Variants in LSM14B observed in about 807,000 individuals in gnomAD.
The protein encoded by LSM14B is protein LSM14 homolog B.
Under a neutral mutation model 42.1 loss-of-function variants are expected in LSM14B, and 8 were observed. The ratio of observed to expected loss-of-function variants is 0.19; its 90% CI spans 0.11 to 0.34. The LOEUF is 0.34. LSM14B is among the 10% of genes least tolerant of loss of function. The pLI is 1.00. For missense variants in LSM14B, 396 were observed against 513.1 expected (o/e 0.77, Z 2.21); for synonymous variants, 219 against 209.7 (o/e 1.04, Z -0.38).
At position 62,134,474 on chromosome 20, in the gene LSM14B, CT is replaced by C. The variant is rs11477488; in HGVS notation, c.*342del. On this transcript the variant is annotated 3_prime_UTR_variant, in exon 9 of 9. Coordinates refer to ENST00000279068, the MANE Select transcript of LSM14B (RefSeq NM_144703.3). ...TGAAAGCTGAATCCTTACTTTGTGA[CT>C]TTTTTTTTTTTTTTTAATGACAAGC... 0.6 allele frequency: 119,194 copies of C among 200,078 alleles called. 33,082 individuals are homozygous for C. The highest frequency in any genetic ancestry group is 0.74 in the East Asian group (3,935 of 5,326). 12.4% of individuals were successfully genotyped at this position (200,078 alleles called of 1,614,324 possible).
chr20:62,132,200 G>A (rs1443173097), intron 7 of LSM14B, among the ~76,000 whole-genome samples: 1 of 152,216 alleles, frequency 6.6e-6, no homozygotes, highest in Non-Finnish European at 1.5e-5. Flanking sequence ...CGATGGGATG[G>A]GGCTGTAACT....
chr20:62,130,238 T>C lies in LSM14B; in HGVS notation c.615T>C (p.Ala205=), dbSNP rs375209921. 4.4e-5 allele frequency: 70 copies of C among 1,604,916 alleles called. No individual in the cohort carries two copies. Among genetic ancestry groups the C allele is most frequent in the Non-Finnish European group, 5.5e-5 (65 of 1,175,794 alleles). ...KTASDVVQPA[A]VQAQGQVNDE... ...CCGTAGATGTAGTCCAGCCGGCAGC[T>C]GTGCAAGCTCAAGGGCAGGTGAATG... The change falls in exon 5 of 9, where the codon GCT becomes GCC. Residue 205 remains alanine, a synonymous_variant. Coordinates refer to ENST00000279068, the MANE Select transcript of LSM14B (RefSeq NM_144703.3). This position sits in a 1 kb window ranked among gnomAD's most constrained non-coding sequence, Gnocchi z 4.1.
Position 62,130,421 on chromosome 20 carries a change from C to T in LSM14B, c.674-109C>T. The T allele has an allele frequency of 2.6e-6, 4 of 1,536,144 alleles. No homozygotes were observed. The South Asian group carries it at 4.8e-5, about 18-fold the overall frequency. On this transcript the variant is annotated intron_variant, in intron 5 of 8. Transcript: ENST00000279068. The surrounding 1 kb of genome is among the most constrained non-coding windows in gnomAD (Gnocchi z 4.1). ...CTGGTGTGAAGTCGCTGCTTGTGTG[C>T]TCTGTTCCTTCTGTGGCCTTGGGGG...
At chr20:62,133,890 G>A (rs989037189) in intron 8 of LSM14B, among the ~76,000 whole-genome samples, 8 of 152,212 alleles carry the variant, frequency 5.3e-5, no homozygotes, top group Non-Finnish European at 1.0e-4. Context: ...GGGTTTGGGC[G>A]GAGCGTCCCA....
At chr20:62,128,054 C>T in intron 3 of LSM14B, 1 of 557,474 alleles carries the variant, frequency 1.8e-6, no homozygotes, top group Non-Finnish European at 3.2e-6. Context: ...GGGGACTCCC[C>T]AAAGCACCTG....
At position 62,122,841 on chromosome 20, in the gene LSM14B, G is replaced by T. The variant is rs1419371980; in HGVS notation, c.127+48G>T. ...GCCCGCTGACCCCCGTCCGCCAACA[G>T]CCCCGGCCTGCGGTGCCCTCCCCGC... On this transcript the variant is annotated intron_variant, in intron 1 of 8. Coordinates refer to ENST00000279068, the MANE Select transcript of LSM14B (RefSeq NM_144703.3). This position sits in a 1 kb window ranked among gnomAD's most constrained non-coding sequence, Gnocchi z 4.6. 1 of 1,420,946 alleles carries T rather than the reference G, an allele frequency of 7.0e-7. No individual in the cohort carries two copies. The highest frequency in any genetic ancestry group is 9.3e-7 in the Non-Finnish European group (1 of 1,070,800). 88.0% of individuals were successfully genotyped at this position (1,420,946 alleles called of 1,614,324 possible). A position where few individuals can be genotyped will look rare whatever the true frequency, so the allele number is the denominator to read the frequency against.
chr20:62,133,919 A>C (rs1193735347), intron 8 of LSM14B, among the ~76,000 whole-genome samples: 2 of 152,220 alleles, frequency 1.3e-5, no homozygotes, highest in East Asian at 1.9e-4. Flanking sequence ...GCCTGGTGCC[A>C]ACCCCACCCA....
chr20:62,125,304 G>A (rs2056559568), intron 2 of LSM14B, among the ~76,000 whole-genome samples: 1 of 152,230 alleles, frequency 6.6e-6, no homozygotes, highest in South Asian at 2.1e-4. Flanking sequence ...GGCTCTTAAG[G>A]AAGGCGACCT....
chr20:62,123,597 G>C (rs956731183), intron 1 of LSM14B, among the ~76,000 whole-genome samples: 1 of 152,198 alleles, frequency 6.6e-6, no homozygotes, highest in African/African-American at 2.4e-5. Flanking sequence ...TCATCACCCA[G>C]AGAAGACGGG....
At chr20:62,123,642 C>T (rs2056487131) in intron 1 of LSM14B, among the ~76,000 whole-genome samples, 1 of 152,214 alleles carries the variant, frequency 6.6e-6, no homozygotes, top group African/African-American at 2.4e-5. Flanking sequence ...AGAAAAGTGC[C>T]CGTGGAGCCA....
At position 62,127,544 on chromosome 20, in the gene LSM14B, G is replaced by A. The variant is rs985055724; in HGVS notation, c.427+1105G>A. Reference sequence around the variant, plus strand: ...AAGACAAGTGTATCCTGACTTATTTGTGTGCTTTCTTTTTGCTCTTTCTCC... The same window carrying A: ...AAGACAAGTGTATCCTGACTTATTTATGTGCTTTCTTTTTGCTCTTTCTCC... On this transcript the variant is annotated intron_variant, in intron 3 of 8. Coordinates refer to ENST00000279068, the MANE Select transcript of LSM14B (RefSeq NM_144703.3). The A allele has an allele frequency of 2.2e-6, 3 of 1,375,594 alleles. No individual in the cohort carries two copies. In the African/African-American group the frequency reaches 4.3e-5, roughly 20 times the overall value. 85.2% of individuals were successfully genotyped at this position (1,375,594 alleles called of 1,614,324 possible). A position where few individuals can be genotyped will look rare whatever the true frequency, so the allele number is the denominator to read the frequency against.
chr20:62,124,501 T>A, intron 1 of LSM14B, 116 bp from the exon 2 acceptor site: 1 of 1,060,980 alleles, frequency 9.4e-7, no homozygotes, highest in Non-Finnish European at 1.4e-6. Flanking sequence ...CCTGGGGTGC[T>A]GTGTTGTGGC....
intron 7 of LSM14B, among the ~76,000 whole-genome samples, chr20:62,132,876 C>G (rs944700180): frequency 6.6e-6 from 1 of 152,162 alleles, no homozygotes; most frequent in Non-Finnish European, 1.5e-5. Flanking sequence ...AGAAGCATCA[C>G]ATTCCAGGGA....
At chr20:62,131,776 C>G (rs59631393) in intron 7 of LSM14B, among the ~76,000 whole-genome samples, 2 of 152,216 alleles carry the variant, frequency 1.3e-5, no homozygotes, top group African/African-American at 2.4e-5. Flanking sequence ...GCTGCACCGC[C>G]CCCCCCGGCA....
In LSM14B at chr20:62,134,263, G is replaced by C. The variant is rs1023752016; in HGVS notation, c.*115G>C. On this transcript the variant is annotated 3_prime_UTR_variant, in exon 9 of 9. Transcript: ENST00000279068. The stretch of plus-strand genomic sequence containing the variant: ...GTGGTCACTTTGTTTACGGAGTTTG[G>C]AAGAGACCCATACTGCTACTTGTGT... The C allele has an allele frequency of 2.3e-5, 11 of 471,732 alleles. No individual in the cohort carries two copies. Among genetic ancestry groups the C allele is most frequent in the African/African-American group, 6.0e-5 (3 of 50,084 alleles). The allele number at this position is 471,732 out of a possible 1,614,324, so 29.2% of individuals were successfully genotyped here. A position where few individuals can be genotyped will look rare whatever the true frequency, so the allele number is the denominator to read the frequency against.
intron 3 of LSM14B, among the ~76,000 whole-genome samples, chr20:62,129,349 G>T (rs1473712078): frequency 6.6e-6 from 1 of 152,214 alleles, no homozygotes; most frequent in African/African-American, 2.4e-5. Context: ...TTCTTCTCCA[G>T]TGTGGACCAG....
rs183014109 is a variant in LSM14B at position 62,126,795 on chromosome 20, G to A, written c.427+356G>A. ...GGGTGGATCACAAGGTCAGGAGTTCGAGACCAGCCTGGCCAACATGGGGAA... is the reference window on the plus strand; with the variant it reads ...GGGTGGATCACAAGGTCAGGAGTTCAAGACCAGCCTGGCCAACATGGGGAA... On this transcript the variant is annotated intron_variant, in intron 3 of 8. Transcript: ENST00000279068. Among the ~76,000 whole-genome samples, 5 of 152,266 alleles carry A rather than the reference G, an allele frequency of 3.3e-5. 1 individual carries two copies. Among genetic ancestry groups the A allele is most frequent in the Admixed American group, 6.5e-5 (1 of 15,290 alleles).
Position 62,130,331 on chromosome 20 carries a change from C to G in LSM14B, c.673+35C>G. Reference sequence around the variant, plus strand: ...GTTGCCACTTGATTTCTGGGGACCACGAGTGATCAGGCTGAGCTCTGCTTG... The same window carrying G: ...GTTGCCACTTGATTTCTGGGGACCAGGAGTGATCAGGCTGAGCTCTGCTTG... On this transcript the variant is annotated intron_variant, in intron 5 of 8. Coordinates refer to ENST00000279068, the MANE Select transcript of LSM14B (RefSeq NM_144703.3). The surrounding 1 kb of genome is among the most constrained non-coding windows in gnomAD (Gnocchi z 4.1). 3 of 1,564,764 alleles carry G rather than the reference C, an allele frequency of 1.9e-6. No homozygotes were observed. Among genetic ancestry groups the G allele is most frequent in the Non-Finnish European group, 2.6e-6 (3 of 1,153,944 alleles).
In LSM14B at chr20:62,131,432, CCTT is replaced by C. The variant is rs749368140; in HGVS notation, c.915_917del (p.Leu306del). On this transcript the variant is annotated inframe_deletion, in exon 7 of 9. Coordinates refer to ENST00000279068, the MANE Select transcript of LSM14B (RefSeq NM_144703.3). ...GTGCCGAAGCGCCCGCTGAGGAAGA[CCTT>C]CTGGGGCCCAACTGCTACTATGACA... 7.4e-6 allele frequency: 12 copies of C among 1,613,534 alleles called. No homozygotes were observed. The highest frequency in any genetic ancestry group is 6.8e-6 in the Non-Finnish European group (8 of 1,179,758).
Sources: allele counts gnomAD v4.1 joint callset (sites outside exome capture counted in the v4.1 genomes callset), GRCh38; gene constraint gnomAD v4.1.1; non-coding constraint Gnocchi (gnomAD v3.1); transcripts MANE v1.5; gene names NCBI Gene and HGNC (gene_info 2026-07-23, HGNC 2026-07-21).